Variants in ZFPM2 observed in about 807,000 individuals in gnomAD.
ZFPM2 encodes zinc finger protein ZFPM2.
A neutral mutation model predicts 98.6 loss-of-function variants in ZFPM2; 20 were observed. That is an observed-to-expected ratio of 0.20 (90% CI 0.14 to 0.29). The LOEUF is 0.29. ZFPM2 is among the 10% of genes least tolerant of loss of function. The pLI, the probability that ZFPM2 is intolerant of heterozygous loss-of-function variation, is 1.00. For missense variants in ZFPM2, 1,310 were observed against 1,388.6 expected (o/e 0.94, Z 0.90); for synonymous variants, 518 against 502.7 (o/e 1.03, Z -0.41).
intron 1 of ZFPM2, among the ~76,000 whole-genome samples, chr8:105,326,036 G>A (rs999031440): frequency 3.3e-5 from 5 of 151,688 alleles, no homozygotes; most frequent in African/African-American, 1.2e-4. Flanking sequence ...CACGATGAGT[G>A]TGAGGTAGCT....
intron 4 of ZFPM2, among the ~76,000 whole-genome samples, chr8:105,624,896 T>C (rs1195807634): frequency 6.6e-6 from 1 of 152,194 alleles, no homozygotes; most frequent in Non-Finnish European, 1.5e-5. Context: ...AAGAATTCTA[T>C]CATTTTATTT....
chr8:105,368,999 A>G (rs186157947), intron 1 of ZFPM2, among the ~76,000 whole-genome samples: 5 of 152,296 alleles, frequency 3.3e-5, no homozygotes, highest in African/African-American at 7.2e-5. Flanking sequence ...TTAACTTTGT[A>G]ATGAAGGAGC....
intron 5 of ZFPM2, among the ~76,000 whole-genome samples, chr8:105,719,918 A>G (rs1162272304): frequency 2.0e-5 from 3 of 151,908 alleles, no homozygotes; most frequent in Non-Finnish European, 4.4e-5. Flanking sequence ...CTATGCAGAG[A>G]CCAATATTAG....
intron 1 of ZFPM2, among the ~76,000 whole-genome samples, chr8:105,374,744 G>A (rs1356370520): frequency 6.6e-6 from 1 of 152,160 alleles, no homozygotes; most frequent in Non-Finnish European, 1.5e-5. Context: ...GACAAGCATA[G>A]GAACATAGGG....
At chr8:105,647,796 G>A (rs1453795791) in intron 5 of ZFPM2, among the ~76,000 whole-genome samples, 2 of 152,196 alleles carry the variant, frequency 1.3e-5, no homozygotes, top group East Asian at 3.9e-4. Flanking sequence ...ATTTGGCTTG[G>A]TTCCAACTCT....
chr8:105,737,924 T>C (rs1477232968), intron 5 of ZFPM2, among the ~76,000 whole-genome samples: 2 of 151,992 alleles, frequency 1.3e-5, no homozygotes, highest in Non-Finnish European at 2.9e-5. Flanking sequence ...TACAATAGTA[T>C]TTTTTGTATA....
Position 105,750,773 on chromosome 8 carries a change from A to G in ZFPM2, c.533-37945A>G, listed in dbSNP as rs1046761257. ...AGCACAACCAATTTTGCCAAGGGGA[A>G]AATTGGTGAAATCTACCTTAGGAGC... On this transcript the variant is annotated intron_variant, in intron 5 of 7. Transcript: ENST00000407775. 1.4e-4 allele frequency among the ~76,000 whole-genome samples: 21 copies of G among 152,092 alleles called. 1 individual carries two copies. The highest frequency in any genetic ancestry group is 1.2e-3 in the Admixed American group (18 of 15,244).
chr8:105,578,423 C>T (rs1815515299), intron 4 of ZFPM2, among the ~76,000 whole-genome samples: 1 of 151,994 alleles, frequency 6.6e-6, no homozygotes, highest in Non-Finnish European at 1.5e-5. Flanking sequence ...CCAGTTTCTC[C>T]AGTTTTACTC....
chr8:105,733,481 C>T (rs767241332), intron 5 of ZFPM2, among the ~76,000 whole-genome samples: 1 of 151,810 alleles, frequency 6.6e-6, no homozygotes, highest in Non-Finnish European at 1.5e-5. Flanking sequence ...TCATCTATAA[C>T]CTGGAATTTG....
intron 5 of ZFPM2, among the ~76,000 whole-genome samples, chr8:105,777,792 A>C (rs1442322): frequency 0.026 from 4,013 of 152,300 alleles, 75 homozygotes; most frequent in Non-Finnish European, 0.039. Context: ...TAAATAAACA[A>C]GTGGATAGAT....
chr8:105,600,441 TAAGAA>T (rs1816068083), intron 4 of ZFPM2, among the ~76,000 whole-genome samples: 1 of 152,102 alleles, frequency 6.6e-6, no homozygotes, highest in African/African-American at 2.4e-5. Context: ...GAAGTCCTAC[TAAGAA>T]AAGAGGGATT....
intron 3 of ZFPM2, among the ~76,000 whole-genome samples, chr8:105,534,230 TCCTCCCTCCCTCCTC>T (rs1814393295): frequency 2.6e-5 from 1 of 38,388 alleles, no homozygotes; most frequent in African/African-American, 1.5e-4. Flanking sequence ...CTTCCTCCCT[TCCTCCCTCCCTCCTC>T]CCTCCCTCCC....
At chr8:105,501,399 G>T (rs1813592654) in intron 3 of ZFPM2, among the ~76,000 whole-genome samples, 1 of 151,880 alleles carries the variant, frequency 6.6e-6, no homozygotes, top group Admixed American at 6.6e-5. Context: ...TGGCCAGGCT[G>T]GTTTTGAACT....
intron 1 of ZFPM2, among the ~76,000 whole-genome samples, chr8:105,393,894 C>CT (rs771677766): frequency 0.019 from 2,552 of 134,694 alleles, 81 homozygotes; most frequent in African/African-American, 0.055. Flanking sequence ...TAAAATATTT[C>CT]TTTTTTTTTT....
intron 5 of ZFPM2, among the ~76,000 whole-genome samples, chr8:105,695,013 A>G (rs550460445): frequency 8.5e-5 from 13 of 152,126 alleles, no homozygotes; most frequent in Admixed American, 2.0e-4. Flanking sequence ...TACTGTTTTT[A>G]TCCCCACTTA....
chr8:105,475,257 T>C (rs1157054250), intron 3 of ZFPM2, among the ~76,000 whole-genome samples: 1 of 152,188 alleles, frequency 6.6e-6, no homozygotes, highest in Non-Finnish European at 1.5e-5. Context: ...AGACAACCTT[T>C]CCAAGGAAAA....
intron 4 of ZFPM2, among the ~76,000 whole-genome samples, chr8:105,610,558 A>C (rs73700106): frequency 6.6e-6 from 1 of 152,286 alleles, no homozygotes; most frequent in African/African-American, 2.4e-5. Flanking sequence ...TTGGATATCA[A>C]CTTCGTTTCT....
At chr8:105,378,054 A>G (rs1185075214) in intron 1 of ZFPM2, among the ~76,000 whole-genome samples, 1 of 152,188 alleles carries the variant, frequency 6.6e-6, no homozygotes, top group East Asian at 1.9e-4. Context: ...GCCTCAATGC[A>G]TATTATATGT....
chr8:105,578,968 A>G (rs1301379459), intron 4 of ZFPM2, among the ~76,000 whole-genome samples: 1 of 152,120 alleles, frequency 6.6e-6, no homozygotes, highest in East Asian at 1.9e-4. Flanking sequence ...GAAGTTTGTT[A>G]TTATTCTGTG....
Sources: gnomAD v4.1 joint callset for allele counts (sites outside exome capture counted in the v4.1 genomes callset) on GRCh38, gnomAD v4.1.1 for gene constraint, MANE v1.5 for transcripts, NCBI Gene and HGNC (gene_info 2026-07-23, HGNC 2026-07-21) for gene names.